The following ST8SIA5 variants were observed in gnomAD, a reference collection of about 807,000 sequenced individuals.
ST8SIA5 encodes the protein alpha-2,8-sialyltransferase 8E.
Under a neutral mutation model 40.2 loss-of-function variants are expected in ST8SIA5, and 24 were observed. The ratio of observed to expected loss-of-function variants is 0.60; its 90% CI spans 0.43 to 0.84. The LOEUF (loss-of-function observed/expected upper bound fraction) is 0.84, where lower values mean the gene tolerates loss of function less well. Ranked by LOEUF, ST8SIA5 falls within the 40% of genes least tolerant of loss-of-function variation. ST8SIA5 has a pLI of 0.00. For synonymous variants in ST8SIA5, 198 were observed against 201.8 expected, an observed-to-expected ratio of 0.98 and a Z score of 0.16; for missense variants, 465 against 498.5, an observed-to-expected ratio of 0.93 and a Z score of 0.64.
chr18:46,721,735 G>A (rs558469728), intron 1 of ST8SIA5, among the ~76,000 whole-genome samples: 2 of 152,284 alleles, frequency 1.3e-5, no homozygotes, highest in Admixed American at 6.5e-5. Context: ...GGGACATTGC[G>A]ACTTTGCGAG....
chr18:46,683,265 G>A (rs1163525444), intron 5 of ST8SIA5, among the ~76,000 whole-genome samples: 1 of 152,286 alleles, frequency 6.6e-6, no homozygotes, highest in East Asian at 1.9e-4. Context: ...AAATCAAGTG[G>A]TTGGTCTACA....
At chr18:46,714,047 G>A (rs528614582) in intron 1 of ST8SIA5, among the ~76,000 whole-genome samples, 1 of 152,330 alleles carries the variant, frequency 6.6e-6, no homozygotes, top group East Asian at 1.9e-4. Context: ...AAGCCTAAGA[G>A]CCCCAGCTGA....
intron 1 of ST8SIA5, among the ~76,000 whole-genome samples, chr18:46,744,969 G>A (rs2040125027): frequency 6.6e-6 from 1 of 152,020 alleles, no homozygotes; most frequent in African/African-American, 2.4e-5. Flanking sequence ...ATGACTACTG[G>A]GTAAATAACG....
chr18:46,694,242 T>C (rs1184710122), intron 2 of ST8SIA5, among the ~76,000 whole-genome samples: 1 of 152,206 alleles, frequency 6.6e-6, no homozygotes, highest in African/African-American at 2.4e-5. Context: ...TTTGTTTGTT[T>C]TTTAAGGTGG....
intron 2 of ST8SIA5, among the ~76,000 whole-genome samples, chr18:46,704,312 G>A (rs1375855456): frequency 3.9e-5 from 6 of 152,104 alleles, no homozygotes; most frequent in East Asian, 1.9e-4. Flanking sequence ...TAATTGAGGC[G>A]GGGACTTTAA....
rs72220502 is a variant in ST8SIA5, at chr18:46,725,959, T to TAAAA, written c.132-21299_132-21296dup. On this transcript the variant is annotated intron_variant, in intron 1 of 6. Transcript: ENST00000315087. ...AACATGGTGAAACCCCATCTCTACTTAAAAAAAAAAAAAATATATATATAT... is the reference window on the plus strand; with the variant it reads ...AACATGGTGAAACCCCATCTCTACTTAAAAAAAAAAAAAAAAAATATATATATAT... Among the ~76,000 whole-genome samples the TAAAA allele has an allele frequency of 4.1e-3, 71 of 17,182 alleles. 6 individuals are homozygous for TAAAA. Among genetic ancestry groups the TAAAA allele is most frequent in the Middle Eastern group, 0.042 (1 of 24 alleles). 11.3% of individuals were successfully genotyped at this position (17,182 alleles called of 152,430 possible).
intron 1 of ST8SIA5, among the ~76,000 whole-genome samples, chr18:46,736,105 T>C (rs1488026568): frequency 1.3e-5 from 2 of 152,182 alleles, no homozygotes; most frequent in Admixed American, 1.3e-4. Context: ...ATTCAAATAT[T>C]ATCATTTCAA....
At chr18:46,683,709 AG>A (rs1364399515) in intron 5 of ST8SIA5, among the ~76,000 whole-genome samples, 1 of 151,360 alleles carries the variant, frequency 6.6e-6, no homozygotes, top group Non-Finnish European at 1.5e-5. Flanking sequence ...CCACTATGAA[AG>A]GCAGGTTTTA....
chr18:46,751,845 A>C (rs2040198335), intron 1 of ST8SIA5, among the ~76,000 whole-genome samples: 1 of 152,174 alleles, frequency 6.6e-6, no homozygotes, highest in Non-Finnish European at 1.5e-5. Context: ...TGTGCTTCCC[A>C]ATCATAAAAG....
rs2039349150 is a variant in ST8SIA5 at position 46,677,716 on chromosome 18, T to A, written c.*2326A>T. The A allele has an allele frequency of 6.6e-6, 1 of 152,104 alleles. No individual in the cohort carries two copies. Among genetic ancestry groups the A allele is most frequent in the South Asian group, 2.1e-4 (1 of 4,822 alleles). 9.4% of individuals were successfully genotyped at this position (152,104 alleles called of 1,614,324 possible). On this transcript the variant is annotated 3_prime_UTR_variant, in exon 7 of 7. Transcript: ENST00000315087. ...GGATCCCGATGCTCCAATCCTCAGC[T>A]CCTACGAGGGCCCTGGCTGGGGCAG...
chr18:46,736,144 G>T (rs9948300), intron 1 of ST8SIA5, among the ~76,000 whole-genome samples: 16,376 of 152,074 alleles, frequency 0.11, 1,047 homozygotes, highest in Non-Finnish European at 0.13. Flanking sequence ...AAATTAAGGA[G>T]ATACGTCACA....
chr18:46,681,835 G>A (rs978860763), intron 6 of ST8SIA5, 137 bp downstream of exon 6: 2 of 753,122 alleles, frequency 2.7e-6, no homozygotes, highest in African/African-American at 3.6e-5. Context: ...TTTGTATTAA[G>A]TCTTTGAAAC....
chr18:46,716,682 G>A (rs1036271191), intron 1 of ST8SIA5, among the ~76,000 whole-genome samples: 1 of 152,226 alleles, frequency 6.6e-6, no homozygotes, highest in Non-Finnish European at 1.5e-5. Flanking sequence ...TGCTCGCACA[G>A]GTGGTCTAGC....
intron 1 of ST8SIA5, among the ~76,000 whole-genome samples, chr18:46,744,119 T>C (rs1376814284): frequency 1.3e-5 from 2 of 152,274 alleles, no homozygotes; most frequent in Middle Eastern, 3.4e-3. Context: ...CATGCCAAAT[T>C]GTAAAAACCA....
intron 1 of ST8SIA5, among the ~76,000 whole-genome samples, chr18:46,721,076 C>T (rs2039857452): frequency 6.6e-6 from 1 of 152,104 alleles, no homozygotes; most frequent in Non-Finnish European, 1.5e-5. Context: ...GAGCTTTGGC[C>T]CCCACCCCTA....
chr18:46,718,483 A>G (rs902301098), intron 1 of ST8SIA5, among the ~76,000 whole-genome samples: 1 of 151,970 alleles, frequency 6.6e-6, no homozygotes, highest in African/African-American at 2.4e-5. Context: ...TTTCTAATTC[A>G]GCCTGTACTT....
Position 46,739,873 on chromosome 18 carries a change from AT to A in ST8SIA5, c.131+16504del, listed in dbSNP as rs2040071739. 2.0e-5 allele frequency among the ~76,000 whole-genome samples: 3 copies of A among 152,160 alleles called. No homozygotes were observed. In the South Asian group the frequency reaches 6.2e-4, roughly 32 times the overall value. Reference sequence around the variant, plus strand: ...TCCAGGGCATATACCTCTTCCAGGTATAAAGGTCAGGCCCCCTCACCCCAAC... The same window carrying A: ...TCCAGGGCATATACCTCTTCCAGGTAAAAGGTCAGGCCCCCTCACCCCAAC... On this transcript the variant is annotated intron_variant, in intron 1 of 6. Transcript: ENST00000315087.
intron 1 of ST8SIA5, among the ~76,000 whole-genome samples, chr18:46,753,203 C>T (rs146556786): frequency 6.6e-6 from 1 of 152,268 alleles, no homozygotes; most frequent in East Asian, 1.9e-4. Flanking sequence ...ATTATTTATT[C>T]ATTATCCAAT....
rs1257147158 is a variant in ST8SIA5, at chr18:46,679,845, G to GCT, written c.*195_*196dup. The GCT allele has an allele frequency of 1.6e-6, 1 of 623,818 alleles. No individual in the cohort carries two copies. The highest frequency in any genetic ancestry group is 2.8e-6 in the Non-Finnish European group (1 of 361,942). The allele number at this position is 623,818 out of a possible 1,614,324, so 38.6% of individuals were successfully genotyped here. ...GCACCGGTGGGGGCCAGGCCAGGAGGCTCAGCACAGAGCTGACTCTGCCCC... is the reference window on the plus strand; with the variant it reads ...GCACCGGTGGGGGCCAGGCCAGGAGGCTCTCAGCACAGAGCTGACTCTGCCCC... On this transcript the variant is annotated 3_prime_UTR_variant, in exon 7 of 7. Transcript: ENST00000315087.
Sources: gnomAD v4.1 joint callset for allele counts (sites outside exome capture counted in the v4.1 genomes callset) on GRCh38, gnomAD v4.1.1 for gene constraint, MANE v1.5 for transcripts, NCBI Gene and HGNC (gene_info 2026-07-23, HGNC 2026-07-21) for gene names.